LUZP2: variants seen among roughly 807,000 people sequenced by gnomAD.
LUZP2 encodes the protein leucine zipper protein 2.
LUZP2 carries 52 observed loss-of-function variants against 51.6 expected under a neutral mutation model. The observed-to-expected ratio is 1.01, with a 90% confidence interval of 0.81 to 1.27. The LOEUF (loss-of-function observed/expected upper bound fraction) is 1.27. LUZP2 is among the 50% of genes most tolerant of loss of function. The probability of loss-of-function intolerance (pLI) is 0.00; values close to 1 mark genes in which losing one functional copy is unlikely to be tolerated. For missense variants in LUZP2, 436 were observed against 395.4 expected (o/e 1.10, Z -0.87); for synonymous variants, 154 against 137.3 (o/e 1.12, Z -0.85).
At chr11:24,702,864 A>G (rs1857458194) in intron 1 of LUZP2, among the ~76,000 whole-genome samples, 1 of 152,172 alleles carries the variant, frequency 6.6e-6, no homozygotes. Context: ...CTTGAGTGCA[A>G]TCAAAGAGAA....
chr11:24,920,245 A>C (rs1027753879), intron 7 of LUZP2, among the ~76,000 whole-genome samples: 1 of 152,034 alleles, frequency 6.6e-6, no homozygotes, highest in Admixed American at 6.6e-5. Flanking sequence ...AAACAATTTT[A>C]AAATACCATG....
chr11:25,027,869 CA>C (rs66524969), intron 9 of LUZP2, among the ~76,000 whole-genome samples: 53,926 of 92,350 alleles, frequency 0.58, 12,058 homozygotes, highest in East Asian at 0.8. Context: ...AATTCCGTCT[CA>C]AAAAAAAAAA....
At chr11:25,043,026 C>A (rs2134009226) in intron 9 of LUZP2, among the ~76,000 whole-genome samples, 1 of 152,240 alleles carries the variant, frequency 6.6e-6, no homozygotes, top group African/African-American at 2.4e-5. Context: ...AACCAGAGAA[C>A]TTGTTTCCTT....
intron 9 of LUZP2, among the ~76,000 whole-genome samples, chr11:25,000,264 G>A (rs1327866130): frequency 6.6e-6 from 1 of 152,112 alleles, no homozygotes; most frequent in East Asian, 1.9e-4. Flanking sequence ...TGACCCAGAA[G>A]CCCAAGCCGG....
chr11:24,905,523 G>A (rs993880284), intron 5 of LUZP2, among the ~76,000 whole-genome samples: 3 of 151,684 alleles, frequency 2.0e-5, no homozygotes, highest in African/African-American at 4.8e-5. Flanking sequence ...GTGAAACTTC[G>A]CTCAAAAAAA....
At chr11:25,009,964 T>C (rs1856936911) in intron 9 of LUZP2, among the ~76,000 whole-genome samples, 1 of 152,202 alleles carries the variant, frequency 6.6e-6, no homozygotes. Context: ...AAAAATATTT[T>C]TTAAATTTCT....
chr11:24,542,687 G>A (rs745532533), intron 1 of LUZP2, among the ~76,000 whole-genome samples: 3 of 151,844 alleles, frequency 2.0e-5, no homozygotes, highest in Non-Finnish European at 4.4e-5. Flanking sequence ...GAAGATTTTG[G>A]CAGTATGCTA....
At chr11:24,657,802 C>T (rs1855861644) in intron 1 of LUZP2, among the ~76,000 whole-genome samples, 1 of 152,144 alleles carries the variant, frequency 6.6e-6, no homozygotes, top group South Asian at 2.1e-4. Flanking sequence ...AGAGCCAAAT[C>T]ATGAGTGAAC....
intron 5 of LUZP2, among the ~76,000 whole-genome samples, chr11:24,837,623 G>A (rs1850899658): frequency 6.6e-6 from 1 of 151,602 alleles, no homozygotes; most frequent in South Asian, 2.1e-4. Flanking sequence ...TTTCACATTG[G>A]ATAGAATCAA....
intron 10 of LUZP2, among the ~76,000 whole-genome samples, chr11:25,050,915 C>A (rs1309099631): frequency 6.6e-6 from 1 of 152,152 alleles, no homozygotes; most frequent in African/African-American, 2.4e-5. Flanking sequence ...TGAGTCTTTT[C>A]ACTCTTTAAA....
intron 7 of LUZP2, among the ~76,000 whole-genome samples, chr11:24,946,163 T>C (rs1218163292): frequency 6.6e-6 from 1 of 152,084 alleles, no homozygotes; most frequent in East Asian, 1.9e-4. Context: ...TTAAATGTCA[T>C]ATAATATTCC....
chr11:24,896,389 C>T (rs1270798058), intron 5 of LUZP2, among the ~76,000 whole-genome samples: 1 of 152,128 alleles, frequency 6.6e-6, no homozygotes, highest in African/African-American at 2.4e-5. Flanking sequence ...GAGCAGCCAG[C>T]CGGCCGGCGA....
At chr11:24,710,245 C>T (rs1857761396) in intron 1 of LUZP2, among the ~76,000 whole-genome samples, 1 of 152,052 alleles carries the variant, frequency 6.6e-6, no homozygotes, top group African/African-American at 2.4e-5. Context: ...TGGAGTTGCC[C>T]TCTGTAGAAT....
chr11:25,023,968 T>A (rs1000560633), intron 9 of LUZP2, among the ~76,000 whole-genome samples: 1 of 152,154 alleles, frequency 6.6e-6, no homozygotes, highest in African/African-American at 2.4e-5. Context: ...TAATCCTGAG[T>A]TCTAGTTTGA....
chr11:24,702,820 G>A lies in LUZP2; in HGVS notation c.63-26349G>A, dbSNP rs377230414. 1.8e-4 allele frequency among the ~76,000 whole-genome samples: 28 copies of A among 152,230 alleles called. No homozygotes were observed. In the East Asian group the frequency reaches 3.3e-3, roughly 18 times the overall value. ...AGATTTAAAATGTGAAGAACCAATCGGTTTATATCAGTATCACCAATTTTG... is the reference window on the plus strand; with the variant it reads ...AGATTTAAAATGTGAAGAACCAATCAGTTTATATCAGTATCACCAATTTTG... On this transcript the variant is annotated intron_variant, in intron 1 of 11. Coordinates refer to ENST00000336930, the MANE Select transcript of LUZP2 (RefSeq NM_001009909.4).
At chr11:24,959,280 A>T (rs2133875718) in intron 7 of LUZP2, among the ~76,000 whole-genome samples, 1 of 152,160 alleles carries the variant, frequency 6.6e-6, no homozygotes, top group South Asian at 2.1e-4. Context: ...AGTTTTTTCC[A>T]ATTCTGTGAA....
intron 5 of LUZP2, among the ~76,000 whole-genome samples, chr11:24,800,356 T>G (rs1295515007): frequency 6.6e-6 from 1 of 151,988 alleles, no homozygotes; most frequent in Non-Finnish European, 1.5e-5. Context: ...GTGTCTGTGA[T>G]GTAGCTTAGC....
At chr11:24,741,282 G>C (rs796131294) in intron 4 of LUZP2, among the ~76,000 whole-genome samples, 4 of 152,052 alleles carry the variant, frequency 2.6e-5, no homozygotes, top group African/African-American at 9.6e-5. Flanking sequence ...CATATTACCT[G>C]TCTGTCAGTG....
intron 7 of LUZP2, among the ~76,000 whole-genome samples, chr11:24,934,783 T>TAGAGAAAG (rs1854545452): frequency 6.6e-6 from 1 of 152,216 alleles, no homozygotes; most frequent in South Asian, 2.1e-4. Context: ...TGTTTGTATC[T>TAGAGAAAG]AGCCTCAAAC....
Sources: allele counts gnomAD v4.1 joint callset (sites outside exome capture counted in the v4.1 genomes callset), GRCh38; gene constraint gnomAD v4.1.1; transcripts MANE v1.5; gene names NCBI Gene and HGNC (gene_info 2026-07-23, HGNC 2026-07-21).